Variants in TVP23C observed in about 807,000 individuals in gnomAD.
The protein encoded by TVP23C is trans-golgi network vesicle protein 23 homolog C.
In TVP23C, 19 loss-of-function variants were observed where a neutral mutation model predicts 28.7. The observed-to-expected ratio is 0.66, with a 90% CI of 0.46 to 0.97. The LOEUF (loss-of-function observed/expected upper bound fraction) is 0.97. TVP23C is among the 50% of genes least tolerant of loss of function. The pLI, the probability that TVP23C is intolerant of heterozygous loss-of-function variation, is 0.00. For missense variants in TVP23C, 186 were observed against 241.3 expected, an observed-to-expected ratio of 0.77 and a Z score of 1.52; for synonymous variants, 68 against 81.7, an observed-to-expected ratio of 0.83 and a Z score of 0.90.
At chr17:15,514,904 T>A (rs1384117013) in intron 5 of TVP23C, among the ~76,000 whole-genome samples, 3 of 152,166 alleles carry the variant, frequency 2.0e-5, no homozygotes, top group Non-Finnish European at 4.4e-5. Flanking sequence ...GAAGTGCACA[T>A]GGCTGTGGCA....
At chr17:15,525,792 C>A (rs991667867) in intron 5 of TVP23C, among the ~76,000 whole-genome samples, 3 of 152,192 alleles carry the variant, frequency 2.0e-5, no homozygotes, top group African/African-American at 7.2e-5. Flanking sequence ...GCATGTGGTG[C>A]TTAGCACTGT....
intron 5 of TVP23C, among the ~76,000 whole-genome samples, chr17:15,509,895 T>C (rs1319664144): frequency 1.3e-5 from 2 of 152,230 alleles, no homozygotes; most frequent in Non-Finnish European, 2.9e-5. Flanking sequence ...TGTAAGTTCC[T>C]TGAAGGGAGA....
At chr17:15,548,707 A>G (rs1444735254) in intron 3 of TVP23C, among the ~76,000 whole-genome samples, 1 of 152,232 alleles carries the variant, frequency 6.6e-6, no homozygotes, top group African/African-American at 2.4e-5. Flanking sequence ...ATAAATTCAT[A>G]AAGTATAGTA....
exon 6 of TVP23C, chr17:15,502,732 TTCTCTCTCCTCTCTCCCGTC>T (rs1981509076): frequency 1.1e-5 from 9 of 827,038 alleles, no homozygotes. Context: ...CTCTCTCTCT[TTCTCTCTCCTCTCTCCCGTC>T]TCTTTCTCTC....
chr17:15,548,062 A>C (rs1408231150), intron 3 of TVP23C, among the ~76,000 whole-genome samples: 15 of 152,160 alleles, frequency 9.9e-5, no homozygotes, highest in African/African-American at 2.4e-5. Flanking sequence ...GAATGTAGGT[A>C]AAATTAAAAA....
chr17:15,554,798 T>C (rs1024429743), intron 2 of TVP23C, among the ~76,000 whole-genome samples: 5 of 152,182 alleles, frequency 3.3e-5, no homozygotes, highest in Non-Finnish European at 7.3e-5. Context: ...GGACATTTCA[T>C]ATAAATGAAA....
Position 15,546,058 on chromosome 17 carries a change from T to G in TVP23C, c.331-142A>C, listed in dbSNP as rs1597537824. ...TCCTAAGTTAGAACCCAAAAATACA[T>G]GACTATCACTCTCGTAATTTTAGGA... is the stretch of plus-strand genomic sequence containing the variant. On this transcript the variant is annotated intron_variant, in intron 4 of 5. Coordinates refer to ENST00000518321, the MANE Select transcript of TVP23C (RefSeq NM_001135036.2). 3.9e-6 allele frequency: 5 copies of G among 1,270,584 alleles called. No homozygotes were observed. In the East Asian group the frequency reaches 1.0e-4, roughly 26 times the overall value. 78.7% of individuals were successfully genotyped at this position (1,270,584 alleles called of 1,614,324 possible).
rs1983686565 is a variant in TVP23C at position 15,547,219 on chromosome 17, T to C, written c.241-71A>G. ...AAAGATCTGTCACAAGCTCCTATCT[T>C]AGTGTAACATTTCACAAACAAAAAC... On this transcript the variant is annotated intron_variant, in intron 3 of 5. Coordinates refer to ENST00000518321, the MANE Select transcript of TVP23C (RefSeq NM_001135036.2). 5.0e-6 allele frequency: 8 copies of C among 1,602,958 alleles called. No homozygotes were observed. In the South Asian group the frequency reaches 5.6e-5, roughly 11 times the overall value.
At chr17:15,519,546 ACC>A (rs1982382133) in intron 5 of TVP23C, among the ~76,000 whole-genome samples, 1 of 151,792 alleles carries the variant, frequency 6.6e-6, no homozygotes, top group Non-Finnish European at 1.5e-5. Flanking sequence ...CTCTTTTAAA[ACC>A]CTGTCTACTC....
At chr17:15,510,551 C>T (rs534120371) in intron 5 of TVP23C, among the ~76,000 whole-genome samples, 108 of 152,250 alleles carry the variant, frequency 7.1e-4, no homozygotes, top group Non-Finnish European at 1.2e-3. Context: ...TGGCTAAGAG[C>T]CCAGTTACCT....
At chr17:15,521,190 C>T (rs1377430006) in intron 5 of TVP23C, among the ~76,000 whole-genome samples, 1 of 151,766 alleles carries the variant, frequency 6.6e-6, no homozygotes, top group Non-Finnish European at 1.5e-5. Flanking sequence ...TTTTTTGGTA[C>T]TTAACAAGTT....
chr17:15,514,994 T>G (rs1022043767), intron 5 of TVP23C, among the ~76,000 whole-genome samples: 16 of 152,108 alleles, frequency 1.1e-4, no homozygotes, highest in African/African-American at 4.8e-5. Flanking sequence ...TCAGTGTGCT[T>G]TAGGTTTCCA....
intron 5 of TVP23C, among the ~76,000 whole-genome samples, chr17:15,527,532 G>T (rs147179691): frequency 6.6e-6 from 1 of 152,074 alleles, no homozygotes; most frequent in Admixed American, 6.6e-5. Context: ...ATCTGAGCAA[G>T]TTACCATTAT....
intron 5 of TVP23C, among the ~76,000 whole-genome samples, chr17:15,513,039 T>A (rs1031446578): frequency 2.6e-5 from 4 of 152,188 alleles, no homozygotes; most frequent in Non-Finnish European, 5.9e-5. Flanking sequence ...CTAACGGCCA[T>A]AAACACAGTA....
chr17:15,517,759 A>G (rs1237712600), intron 5 of TVP23C, among the ~76,000 whole-genome samples: 5 of 152,180 alleles, frequency 3.3e-5, no homozygotes, highest in African/African-American at 1.2e-4. Flanking sequence ...GGTAAGTAAC[A>G]TCCAGATGAC....
intron 3 of TVP23C, among the ~76,000 whole-genome samples, chr17:15,549,968 T>C (rs767894955): frequency 1.3e-5 from 2 of 152,108 alleles, no homozygotes; most frequent in Admixed American, 6.5e-5. Flanking sequence ...AGAGGTCTCT[T>C]CTATAGGTAT....
chr17:15,533,033 T>G (rs1983009879), downstream of TVP23C, among the ~76,000 whole-genome samples: 1 of 152,248 alleles, frequency 6.6e-6, no homozygotes, highest in Non-Finnish European at 1.5e-5. Context: ...TAAGAGGGCC[T>G]AAGGGACAGA....
At chr17:15,549,020 C>T (rs897455902) in intron 3 of TVP23C, among the ~76,000 whole-genome samples, 18 of 152,298 alleles carry the variant, frequency 1.2e-4, no homozygotes, top group African/African-American at 4.1e-4. Context: ...GGGGGAACTA[C>T]TACACATATA....
chr17:15,546,593 G>A (rs1983656420), intron 4 of TVP23C, among the ~76,000 whole-genome samples: 1 of 149,264 alleles, frequency 6.7e-6, no homozygotes, highest in Non-Finnish European at 1.5e-5. Context: ...GGATCCCCAG[G>A]GCTCCTGAAG....
Sources: gnomAD v4.1 joint callset for allele counts (sites outside exome capture counted in the v4.1 genomes callset) on GRCh38, gnomAD v4.1.1 for gene constraint, MANE v1.5 for transcripts, NCBI Gene and HGNC (gene_info 2026-07-23, HGNC 2026-07-21) for gene names.